PCDHGA7: variants seen among roughly 807,000 people sequenced by gnomAD.
PCDHGA7 encodes the protein protocadherin gamma-A7.
PCDHGA7 carries 44 observed loss-of-function variants against 58.3 expected under a neutral mutation model. That is an observed-to-expected ratio of 0.75 (90% confidence interval 0.59 to 0.97). The LOEUF is 0.97. Among genes scored for constraint, PCDHGA7 ranks in the 50% least tolerant of loss-of-function variants. The pLI, the probability that PCDHGA7 is intolerant of heterozygous loss-of-function variation, is 0.00. For synonymous variants in PCDHGA7, 516 were observed against 504.2 expected (o/e 1.02, Z -0.31); for missense variants, 1,266 against 1,188.7 (o/e 1.06, Z -0.96).
At chr5:141,482,876 AGCCTG>A (rs2099574018) in intron 1 of PCDHGA7, among the ~76,000 whole-genome samples, 1 of 152,142 alleles carries the variant, frequency 6.6e-6, no homozygotes, top group Admixed American at 6.5e-5. Flanking sequence ...GTTTGAAACC[AGCCTG>A]GCCAACATGG....
Position 141,476,035 on chromosome 5 carries a change from C to A in PCDHGA7, c.2425-18772C>A. On this transcript the variant is annotated intron_variant, in intron 1 of 3. Coordinates refer to ENST00000518325, the MANE Select transcript of PCDHGA7 (RefSeq NM_018920.4). This position sits in a 1 kb window ranked among gnomAD's most constrained non-coding sequence, Gnocchi z 7.6. ...CATGTCGGACTCGGCGCCCAGCGCCCAAGCGCTAACCCGCTGAAAGTTTCT... is the reference window on the plus strand; with the variant it reads ...CATGTCGGACTCGGCGCCCAGCGCCAAAGCGCTAACCCGCTGAAAGTTTCT... The A allele has an allele frequency of 1.4e-6, 2 of 1,466,592 alleles. No individual in the cohort carries two copies. The highest frequency in any genetic ancestry group is 1.8e-6 in the Non-Finnish European group (2 of 1,102,494). 90.8% of individuals were successfully genotyped at this position (1,466,592 alleles called of 1,614,324 possible). A position where few individuals can be genotyped will look rare whatever the true frequency, so the allele number is the denominator to read the frequency against.
At chr5:141,429,468 A>G (rs2097217267) in intron 1 of PCDHGA7, among the ~76,000 whole-genome samples, 1 of 152,048 alleles carries the variant, frequency 6.6e-6, no homozygotes, top group Admixed American at 6.6e-5. Flanking sequence ...TCCCACCTCA[A>G]TCTCCAGAGT....
intron 1 of PCDHGA7, chr5:141,423,244 C>T: frequency 1.2e-6 from 2 of 1,613,984 alleles, no homozygotes; most frequent in Non-Finnish European, 1.7e-6. Context: ...CCCCGAAGTC[C>T]TGGCGGACCT....
chr5:141,430,705 T>C (rs914464861), intron 1 of PCDHGA7: 3 of 1,477,958 alleles, frequency 2.0e-6, no homozygotes, highest in African/African-American at 2.8e-5. Flanking sequence ...AAGGAACTGC[T>C]CCTGACTTCA....
intron 1 of PCDHGA7, chr5:141,423,380 G>A: frequency 6.2e-7 from 1 of 1,614,178 alleles, no homozygotes; most frequent in Non-Finnish European, 8.5e-7. Context: ...CTCAGGCTGT[G>A]GCGCTGGCAT....
At chr5:141,413,257 T>C (rs777964429) in intron 1 of PCDHGA7, 3 of 1,613,954 alleles carry the variant, frequency 1.9e-6, no homozygotes, top group African/African-American at 1.3e-5. Flanking sequence ...CGGGATTCCA[T>C]GGGAGGCTGG....
chr5:141,384,578 C>T lies in PCDHGA7; in HGVS notation c.1679C>T (p.Pro560Leu). ...LFVLDQNDNP[P>L]EILYPALPTD... is the part of the protein sequence containing the mutation. Reference sequence around the variant, plus strand: ...GTGCTGGACCAGAATGACAACCCGCCCGAGATCCTGTACCCGGCCCTCCCC... The same window carrying T: ...GTGCTGGACCAGAATGACAACCCGCTCGAGATCCTGTACCCGGCCCTCCCC... The change falls in exon 1 of 4, where the codon CCC becomes CTC. Residue 560 changes from proline to leucine, a missense_variant. Pro to Leu is a moderately conservative substitution (Grantham distance 98). Coordinates refer to ENST00000518325, the MANE Select transcript of PCDHGA7 (RefSeq NM_018920.4). 8 of 1,614,256 alleles carry T rather than the reference C, an allele frequency of 5.0e-6. No individual in the cohort carries two copies. The highest frequency in any genetic ancestry group is 6.8e-6 in the Non-Finnish European group (8 of 1,180,046).
intron 1 of PCDHGA7, chr5:141,433,250 G>A: frequency 1.4e-6 from 2 of 1,440,892 alleles, no homozygotes; most frequent in Non-Finnish European, 1.9e-6. Flanking sequence ...CTGGAATGCA[G>A]CGGTACGATC....
rs763210124 is a variant in PCDHGA7 at position 141,385,132 on chromosome 5, G to T, written c.2233G>T (p.Gly745Trp). Residue 745 changes from glycine to tryptophan, a missense_variant, in exon 1 of 4, where the codon GGG (glycine) becomes TGG (tryptophan). Physicochemically the swap from Gly to Trp is radical, Grantham distance 184 (BLOSUM62 -2). Coordinates refer to ENST00000518325, the MANE Select transcript of PCDHGA7 (RefSeq NM_018920.4). ...CACCTCGCACTTTGTGGGCATGGAC[G>T]GGGTGCAGGCTTTCCTGCAGACCTA... ...VPTSHFVGMD[G>W]VQAFLQTYSH... is the part of the protein sequence containing the mutation. 1.2e-6 allele frequency: 2 copies of T among 1,614,094 alleles called. No individual in the cohort carries two copies. Among genetic ancestry groups the T allele is most frequent in the African/African-American group, 1.3e-5 (1 of 74,934 alleles).
rs774079222 is a variant in PCDHGA7, at chr5:141,491,314, C to G, written c.2425-3493C>G. On this transcript the variant is annotated intron_variant, in intron 1 of 3. Transcript: ENST00000518325. The surrounding 1 kb of genome is among the most constrained non-coding windows in gnomAD (Gnocchi z 6.9). ...CCCTCCTGAGCGTTCAGACCTTACC[C>G]TTTACCTCATTGTGGCTCTAGCGAC... is the stretch of plus-strand genomic sequence containing the variant. 6 of 1,614,064 alleles carry G rather than the reference C, an allele frequency of 3.7e-6. No individual in the cohort carries two copies. In the South Asian group the frequency reaches 5.5e-5, roughly 15 times the overall value.
At chr5:141,401,976 G>A (rs1479930250) in intron 1 of PCDHGA7, among the ~76,000 whole-genome samples, 2 of 152,062 alleles carry the variant, frequency 1.3e-5, no homozygotes, top group Admixed American at 1.3e-4. Context: ...ATTGATGAAG[G>A]ATTAAAATAG....
intron 1 of PCDHGA7, chr5:141,478,721 C>A: frequency 6.5e-7 from 1 of 1,543,216 alleles, no homozygotes; most frequent in Non-Finnish European, 8.8e-7. Context: ...TGGTGGCCTG[C>A]CAGAGTGTGG....
chr5:141,396,882 G>C (rs2093447309), intron 1 of PCDHGA7, among the ~76,000 whole-genome samples: 3 of 152,208 alleles, frequency 2.0e-5, no homozygotes, highest in African/African-American at 7.2e-5. Flanking sequence ...GCACATTTGA[G>C]AGGACAACAT....
At chr5:141,430,331 T>C (rs1266364984) in intron 1 of PCDHGA7, among the ~76,000 whole-genome samples, 2 of 150,984 alleles carry the variant, frequency 1.3e-5, no homozygotes, top group Non-Finnish European at 2.9e-5. Context: ...TCATTGTTTA[T>C]AGAAACTTCC....
intron 1 of PCDHGA7, among the ~76,000 whole-genome samples, chr5:141,464,022 TG>T (rs948245337): frequency 1.3e-5 from 2 of 151,716 alleles, no homozygotes; most frequent in African/African-American, 4.8e-5. Context: ...TCCCACACTT[TG>T]GGAGGCCAAG....
chr5:141,414,903 C>A, intron 1 of PCDHGA7: 2 of 1,614,218 alleles, frequency 1.2e-6, no homozygotes, highest in Non-Finnish European at 1.7e-6. Flanking sequence ...CAGACGGTTC[C>A]ACAGGCGTGG....
chr5:141,506,740 T>C (rs1006665092), intron 3 of PCDHGA7, among the ~76,000 whole-genome samples: 2 of 152,104 alleles, frequency 1.3e-5, no homozygotes, highest in African/African-American at 2.4e-5. Context: ...ATAATGCCTA[T>C]TAATAAAGAC....
At chr5:141,409,840 G>A (rs1361942011) in intron 1 of PCDHGA7, 3 of 1,611,558 alleles carry the variant, frequency 1.9e-6, no homozygotes, top group African/African-American at 1.3e-5. Flanking sequence ...GCGCCAACGT[G>A]AGCCTGCGCG....
At chr5:141,414,904 A>G in intron 1 of PCDHGA7, 2 of 1,614,190 alleles carry the variant, frequency 1.2e-6, no homozygotes, top group Non-Finnish European at 1.7e-6. Context: ...AGACGGTTCC[A>G]CAGGCGTGGA....
Sources: allele counts gnomAD v4.1 joint callset (sites outside exome capture counted in the v4.1 genomes callset), GRCh38; gene constraint gnomAD v4.1.1; non-coding constraint Gnocchi (gnomAD v3.1); transcripts MANE v1.5; gene names NCBI Gene and HGNC (gene_info 2026-07-23, HGNC 2026-07-21).